The following ACTR5 variants were observed in gnomAD, a reference collection of about 807,000 sequenced individuals.
ACTR5 encodes the protein actin-related protein 5.
ACTR5 carries 43 observed loss-of-function variants against 61.2 expected under a neutral mutation model. The observed-to-expected ratio is 0.70, with a 90% CI of 0.55 to 0.91. ACTR5 has a LOEUF of 0.91. ACTR5 is among the 40% of genes least tolerant of loss of function. The probability of loss-of-function intolerance (pLI) is 0.00; values close to 1 mark genes in which losing one functional copy is unlikely to be tolerated. For synonymous variants in ACTR5, 333 were observed against 310.5 expected (o/e 1.07, Z -0.76); for missense variants, 798 against 782.2 (o/e 1.02, Z -0.24).
intron 5 of ACTR5, among the ~76,000 whole-genome samples, chr20:38,760,528 G>A (rs1365208152): frequency 6.6e-6 from 1 of 152,236 alleles, no homozygotes; most frequent in Non-Finnish European, 1.5e-5. Context: ...CCATTTGCAA[G>A]CCAAGGTGAC....
chr20:38,765,263 G>A, intron 5 of ACTR5, 139 bp from the exon 6 acceptor site: 1 of 653,542 alleles, frequency 1.5e-6, no homozygotes, highest in African/African-American at 1.8e-5. Flanking sequence ...TTTAAAAATA[G>A]CTTAGAAAAA....
chr20:38,756,807 G>A (rs6071348), intron 5 of ACTR5, among the ~76,000 whole-genome samples: 1 of 152,232 alleles, frequency 6.6e-6, no homozygotes, highest in African/African-American at 2.4e-5. Context: ...GGGAGGCTGA[G>A]GCAGGAGAAT....
intron 2 of ACTR5, among the ~76,000 whole-genome samples, chr20:38,751,647 A>T (rs1601193393): frequency 6.6e-6 from 1 of 152,190 alleles, no homozygotes; most frequent in African/African-American, 2.4e-5. Context: ...GTTCTTTTAC[A>T]GTAAGTCAGG....
At chr20:38,759,619 C>T (rs1024664420) in intron 5 of ACTR5, among the ~76,000 whole-genome samples, 2 of 151,980 alleles carry the variant, frequency 1.3e-5, no homozygotes, top group Non-Finnish European at 2.9e-5. Flanking sequence ...CAAAGCTTTA[C>T]AATCATCTCT....
At chr20:38,763,661 G>A (rs566090469) in intron 5 of ACTR5, among the ~76,000 whole-genome samples, 5 of 152,318 alleles carry the variant, frequency 3.3e-5, no homozygotes, top group African/African-American at 1.2e-4. Flanking sequence ...AGTGTGATGT[G>A]ATCTTGGGCA....
chr20:38,761,756 A>G (rs983684437), intron 5 of ACTR5: 1 of 153,934 alleles, frequency 6.5e-6, no homozygotes, highest in African/African-American at 2.4e-5. Flanking sequence ...CCTCCAAACA[A>G]GCGCTCAAGG....
chr20:38,750,729 A>G (rs745848395), intron 2 of ACTR5, among the ~76,000 whole-genome samples: 3 of 151,974 alleles, frequency 2.0e-5, no homozygotes, highest in Admixed American at 6.6e-5. Context: ...CCCGGGTTCA[A>G]TTGATTCTCC....
chr20:38,766,942 T>TG (rs2084490399), intron 7 of ACTR5, among the ~76,000 whole-genome samples: 1 of 152,236 alleles, frequency 6.6e-6, no homozygotes, highest in Non-Finnish European at 1.5e-5. Flanking sequence ...AAAAAGCTGT[T>TG]GCTGCTACTT....
intron 8 of ACTR5, among the ~76,000 whole-genome samples, chr20:38,768,350 T>A (rs2145677927): frequency 6.6e-6 from 1 of 152,268 alleles, no homozygotes; most frequent in Non-Finnish European, 1.5e-5. Flanking sequence ...GGCAGGATGA[T>A]TCTCTGGGAG....
At chr20:38,756,075 AG>A in intron 5 of ACTR5, 36 bp downstream of exon 5, 1 of 1,576,802 alleles carries the variant, frequency 6.3e-7, no homozygotes, top group Non-Finnish European at 8.6e-7. Flanking sequence ...GCCCTTCTTG[AG>A]GGGAGGAGTG....
chr20:38,750,690 G>A (rs2084382442), intron 2 of ACTR5, among the ~76,000 whole-genome samples: 1 of 151,994 alleles, frequency 6.6e-6, no homozygotes, highest in South Asian at 2.1e-4. Context: ...GGAGTGCAGT[G>A]GGATCTTGGC....
rs151273676 is a variant in ACTR5 at position 38,764,085 on chromosome 20, T to C, written c.1177-1317T>C. On this transcript the variant is annotated intron_variant, in intron 5 of 8. Coordinates refer to ENST00000243903, the MANE Select transcript of ACTR5 (RefSeq NM_024855.4). ...TGAATGTGTGTGGGGTATTGAGGGG[T>C]ATTGCCTTATTTTAATGCTAGTTTA... 2.9e-3 allele frequency among the ~76,000 whole-genome samples: 447 copies of C among 152,174 alleles called. 4 individuals carry two copies. The highest frequency in any genetic ancestry group is 0.01 in the African/African-American group (424 of 41,510).
At position 38,771,905 on chromosome 20, in the gene ACTR5, G is replaced by A; in HGVS notation, c.*89G>A. The stretch of plus-strand genomic sequence containing the variant: ...GACTGTGATTGTGCTAGATGTACCT[G>A]CCCAAGTCTGCTGGTCACATTTGGC... On this transcript the variant is annotated 3_prime_UTR_variant, in exon 9 of 9. Coordinates refer to ENST00000243903, the MANE Select transcript of ACTR5 (RefSeq NM_024855.4). 6.8e-7 allele frequency: 1 copy of A among 1,477,642 alleles called. No individual in the cohort carries two copies. The highest frequency in any genetic ancestry group is 9.0e-7 in the Non-Finnish European group (1 of 1,113,124). 91.5% of individuals were successfully genotyped at this position (1,477,642 alleles called of 1,614,324 possible). A position where few individuals can be genotyped will look rare whatever the true frequency, so the allele number is the denominator to read the frequency against.
intron 7 of ACTR5, among the ~76,000 whole-genome samples, 175 bp from the exon 8 acceptor site, chr20:38,767,289 A>G (rs1489673799): frequency 1.3e-5 from 2 of 151,962 alleles, no homozygotes; most frequent in East Asian, 3.8e-4. Context: ...GTTTGGAAAC[A>G]TTGGGCTGGC....
intron 7 of ACTR5, 127 bp downstream of exon 7, chr20:38,766,504 T>C: frequency 8.1e-7 from 1 of 1,227,686 alleles, no homozygotes; most frequent in Non-Finnish European, 1.1e-6. Context: ...ATTGACTTGC[T>C]GTGCTCAGAT....
Position 38,767,511 on chromosome 20 carries a change from C to T in ACTR5, c.1481C>T (p.Thr494Ile). 2 of 1,614,140 alleles carry T rather than the reference C, an allele frequency of 1.2e-6. No homozygotes were observed. Among genetic ancestry groups the T allele is most frequent in the Non-Finnish European group, 1.7e-6 (2 of 1,180,014 alleles). Residue 494 changes from threonine (T) to isoleucine (I), a missense_variant, in exon 8 of 9, where the codon ACT (threonine) becomes ATT (isoleucine). Thr to Ile is a moderately conservative substitution (Grantham distance 89). Transcript: ENST00000243903. ...ATGCTGGTTCAGAACGTTTTCCTCA[C>T]TGGCGGCAACACGATGTATCCTGGC... ...QEMLVQNVFL[T>I]GGNTMYPGMK...
intron 8 of ACTR5, 71 bp from the exon 9 acceptor site, chr20:38,771,488 G>A: frequency 1.3e-6 from 2 of 1,557,504 alleles, no homozygotes; most frequent in Non-Finnish European, 1.7e-6. Context: ...ATCGGGGGCT[G>A]TAGCTGAGCC....
intron 5 of ACTR5, among the ~76,000 whole-genome samples, chr20:38,762,593 G>C (rs1484658568): frequency 6.6e-6 from 1 of 152,208 alleles, no homozygotes; most frequent in Non-Finnish European, 1.5e-5. Flanking sequence ...CAAGTGGAAA[G>C]AGTACTGGGA....
chr20:38,765,395 C>T lies in ACTR5; in HGVS notation c.1177-7C>T. 1 of 1,611,604 alleles carries T rather than the reference C, an allele frequency of 6.2e-7. No homozygotes were observed. The highest frequency in any genetic ancestry group is 8.5e-7 in the Non-Finnish European group (1 of 1,177,736). Reference sequence around the variant, plus strand: ...CAGGTTCTGTTTCATTTTGCTCCTTCTCTTAGACCCCTGACCTGGAGCAGC... The same window carrying T: ...CAGGTTCTGTTTCATTTTGCTCCTTTTCTTAGACCCCTGACCTGGAGCAGC... On this transcript the variant is annotated splice_polypyrimidine_tract_variant and splice_region_variant and intron_variant, in intron 5 of 8. Coordinates refer to ENST00000243903, the MANE Select transcript of ACTR5 (RefSeq NM_024855.4).
Sources: gnomAD v4.1 joint callset for allele counts (sites outside exome capture counted in the v4.1 genomes callset) on GRCh38, gnomAD v4.1.1 for gene constraint, MANE v1.5 for transcripts, NCBI Gene and HGNC (gene_info 2026-07-23, HGNC 2026-07-21) for gene names.